Variants in IL1RAPL2 observed in about 807,000 individuals in gnomAD.
The protein encoded by IL1RAPL2 is interleukin 1 receptor accessory protein like 2.
In IL1RAPL2, 3 loss-of-function variants were observed where a neutral mutation model predicts 44.1. The observed-to-expected ratio is 0.07, with a 90% CI of 0.03 to 0.18. The LOEUF is 0.18. Among genes scored for constraint, IL1RAPL2 ranks in the 10% least tolerant of loss-of-function variants. IL1RAPL2 has a pLI of 1.00. For missense variants in IL1RAPL2, 391 were observed against 496.4 expected (o/e 0.79, Z 2.02); for synonymous variants, 181 against 178.8 (o/e 1.01, Z -0.10).
chrX:105,318,134 G>A (rs867370904), intron 5 of IL1RAPL2, among the ~76,000 whole-genome samples: 1 of 110,401 alleles, frequency 9.1e-6, no homozygotes, highest in Non-Finnish European at 1.9e-5. Context: ...CACCACGCCT[G>A]GCTAATTTTT....
At chrX:104,599,475 TG>T (rs1316403038) in intron 1 of IL1RAPL2, among the ~76,000 whole-genome samples, 4 of 110,266 alleles carry the variant, frequency 3.6e-5, no homozygotes, top group African/African-American at 6.6e-5. Context: ...CTCGAACTCC[TG>T]GGCTCAAGTG....
At chrX:105,298,238 C>G (rs895586650) in intron 5 of IL1RAPL2, among the ~76,000 whole-genome samples, 1 of 111,749 alleles carries the variant, frequency 8.9e-6, no homozygotes, top group African/African-American at 3.3e-5. Flanking sequence ...ACTTAGTTCT[C>G]TTATCTAACT....
chrX:104,817,115 G>T (rs1165853879), intron 2 of IL1RAPL2, among the ~76,000 whole-genome samples: 1 of 112,616 alleles, frequency 8.9e-6, no homozygotes, highest in African/African-American at 3.2e-5. Context: ...TAATGAATAG[G>T]TTGAGTGGGG....
chrX:105,403,740 C>T (rs1269396929), intron 5 of IL1RAPL2, among the ~76,000 whole-genome samples: 2 of 111,304 alleles, frequency 1.8e-5, no homozygotes, highest in Non-Finnish European at 3.8e-5. Flanking sequence ...GGAAGGCTCA[C>T]ATGTGATAAG....
At chrX:104,862,355 C>T (rs1465886193) in intron 2 of IL1RAPL2, among the ~76,000 whole-genome samples, 1 of 110,292 alleles carries the variant, frequency 9.1e-6, no homozygotes, top group Non-Finnish European at 1.9e-5. Flanking sequence ...TTGAAGTCCT[C>T]ATACCCAGTA....
intron 1 of IL1RAPL2, among the ~76,000 whole-genome samples, chrX:104,651,738 G>A (rs887274564): frequency 6.3e-5 from 7 of 111,345 alleles, no homozygotes; most frequent in East Asian, 2.8e-4. Context: ...CGTTATATAA[G>A]TTCTAAATTG....
At chrX:105,351,080 C>A (rs771880595) in intron 5 of IL1RAPL2, among the ~76,000 whole-genome samples, 8 of 111,830 alleles carry the variant, frequency 7.2e-5, no homozygotes, top group African/African-American at 2.6e-4. Context: ...GAGATACCAT[C>A]CCACGCCAGT....
At chrX:104,915,456 C>T (rs747642535) in intron 2 of IL1RAPL2, among the ~76,000 whole-genome samples, 1 of 111,275 alleles carries the variant, frequency 9.0e-6, no homozygotes, top group South Asian at 3.8e-4. Flanking sequence ...ATTGTAGATT[C>T]TAGATATTAG....
At chrX:105,233,276 G>A (rs185178842) in intron 3 of IL1RAPL2, among the ~76,000 whole-genome samples, 23 of 111,390 alleles carry the variant, frequency 2.1e-4, no homozygotes, top group Non-Finnish European at 3.0e-4. Context: ...AGAGCGAGGC[G>A]CCGTCTCAAA....
chrX:104,669,933 T>C (rs1271746070), intron 2 of IL1RAPL2, among the ~76,000 whole-genome samples: 1 of 111,984 alleles, frequency 8.9e-6, no homozygotes, highest in African/African-American at 3.2e-5. Context: ...GACTCTCAAA[T>C]CTACTGCAAG....
intron 6 of IL1RAPL2, among the ~76,000 whole-genome samples, chrX:105,649,414 G>T (rs1569461744): frequency 8.9e-6 from 1 of 111,995 alleles, no homozygotes; most frequent in Non-Finnish European, 1.9e-5. Flanking sequence ...TATAGTTTTA[G>T]CATTTAGTGT....
chrX:105,092,049 G>T (rs2032549173), intron 2 of IL1RAPL2, among the ~76,000 whole-genome samples: 1 of 111,774 alleles, frequency 8.9e-6, no homozygotes, highest in Non-Finnish European at 1.9e-5. Flanking sequence ...GTCTTTTATT[G>T]AGGAACCTAT....
At chrX:104,612,493 G>A (rs1041035752) in intron 1 of IL1RAPL2, among the ~76,000 whole-genome samples, 4 of 111,273 alleles carry the variant, frequency 3.6e-5, no homozygotes, top group African/African-American at 1.3e-4. Flanking sequence ...GATTTGGTGC[G>A]CAGCCTTATT....
intron 2 of IL1RAPL2, among the ~76,000 whole-genome samples, chrX:104,951,976 G>A (rs1925597660): frequency 8.9e-6 from 1 of 112,245 alleles, no homozygotes; most frequent in Non-Finnish European, 1.9e-5. Flanking sequence ...CTGTAATGCA[G>A]CTGCCTTGAC....
intron 5 of IL1RAPL2, among the ~76,000 whole-genome samples, chrX:105,306,565 T>G (rs1236231852): frequency 8.9e-6 from 1 of 112,096 alleles, no homozygotes; most frequent in Non-Finnish European, 1.9e-5. Flanking sequence ...TTGAAATTTT[T>G]GGAAAGTATA....
chrX:104,785,800 C>T (rs1932795295), intron 2 of IL1RAPL2, among the ~76,000 whole-genome samples: 1 of 112,352 alleles, frequency 8.9e-6, no homozygotes, highest in Admixed American at 9.4e-5. Context: ...CAGAAACTGG[C>T]TTGATGCTAT....
chrX:104,653,934 A>G (rs1381067974), intron 1 of IL1RAPL2, among the ~76,000 whole-genome samples: 2 of 110,754 alleles, frequency 1.8e-5, no homozygotes, highest in Admixed American at 9.7e-5. Context: ...CATGAGCCCA[A>G]AGTACTTCAG....
intron 2 of IL1RAPL2, among the ~76,000 whole-genome samples, chrX:104,897,873 T>A (rs1435654965): frequency 8.9e-6 from 1 of 111,803 alleles, no homozygotes; most frequent in Non-Finnish European, 1.9e-5. Context: ...AAGGAGAACC[T>A]TTTGTAAAGT....
At chrX:105,361,765 A>G (rs1315147372) in intron 5 of IL1RAPL2, among the ~76,000 whole-genome samples, 1 of 111,849 alleles carries the variant, frequency 8.9e-6, no homozygotes, top group East Asian at 2.8e-4. Flanking sequence ...TAACTTTCAT[A>G]AAGATTTTTA....
Sources: gnomAD v4.1 joint callset for allele counts (sites outside exome capture counted in the v4.1 genomes callset) on GRCh38, gnomAD v4.1.1 for gene constraint, MANE v1.5 for transcripts, NCBI Gene and HGNC (gene_info 2026-07-23, HGNC 2026-07-21) for gene names.